Variants in LARP1 observed in about 807,000 individuals in gnomAD.
The protein encoded by LARP1 is La ribonucleoprotein 1, translational regulator.
LARP1 carries 36 observed loss-of-function variants against 122.7 expected under a neutral mutation model. The ratio of observed to expected loss-of-function variants is 0.29; its 90% CI spans 0.22 to 0.39. LARP1 has a LOEUF of 0.39. Among genes scored for constraint, LARP1 ranks in the 10% least tolerant of loss-of-function variants. LARP1 has a pLI of 1.00. For synonymous variants in LARP1, 539 were observed against 528.7 expected (o/e 1.02, Z -0.27); for missense variants, 1,040 against 1,403.6 (o/e 0.74, Z 4.14).
At position 154,802,160 on chromosome 5, in the gene LARP1, ACTGCCTGGT is replaced by A. The variant is rs1561624653; in HGVS notation, c.1874_1882del (p.Ala625_Ser627del). 1 of 1,614,216 alleles carries A rather than the reference ACTGCCTGGT, an allele frequency of 6.2e-7. No individual in the cohort carries two copies. Among genetic ancestry groups the A allele is most frequent in the Non-Finnish European group, 8.5e-7 (1 of 1,180,042 alleles). ...GATGGATGGGCGGAAGAACACCTTCACTGCCTGGTCTGATGAGGAATCTGACTATGAGAT... is the reference window on the plus strand; with the variant it reads ...GATGGATGGGCGGAAGAACACCTTCACTGATGAGGAATCTGACTATGAGAT... On this transcript the variant is annotated inframe_deletion, in exon 11 of 19. Coordinates refer to ENST00000518297, the MANE Select transcript of LARP1 (RefSeq NM_033551.3). The surrounding 1 kb of genome is among the most constrained non-coding windows in gnomAD (Gnocchi z 5.1).
At chr5:154,684,303 G>C (rs1375486489) in intron 1 of LARP1, among the ~76,000 whole-genome samples, 1 of 152,016 alleles carries the variant, frequency 6.6e-6, no homozygotes, top group Non-Finnish European at 1.5e-5. Context: ...AAATTAGTTG[G>C]GCGTGGTGGC....
At chr5:154,704,990 C>G (rs1374242749) in intron 1 of LARP1, among the ~76,000 whole-genome samples, 1 of 151,654 alleles carries the variant, frequency 6.6e-6, no homozygotes, top group Non-Finnish European at 1.5e-5. Context: ...TGGTGGCATG[C>G]GCCTGTAATC....
rs1009172614 is a variant in LARP1, at chr5:154,789,802, G to A, written c.437-523G>A. 1.2e-4 allele frequency among the ~76,000 whole-genome samples: 19 copies of A among 152,192 alleles called. 1 individual carries two copies. The highest frequency in any genetic ancestry group is 1.0e-3 in the Admixed American group (16 of 15,282). ...GGAAGCTGAGAAGGCAGACAAAAAT[G>A]TTTCCTGAGCAGCTGGCCCTGGTGT... On this transcript the variant is annotated intron_variant, in intron 1 of 18. Coordinates refer to ENST00000518297, the MANE Select transcript of LARP1 (RefSeq NM_033551.3).
intron 1 of LARP1, among the ~76,000 whole-genome samples, chr5:154,701,989 T>G (rs1218019472): frequency 6.6e-6 from 1 of 152,096 alleles, no homozygotes; most frequent in Non-Finnish European, 1.5e-5. Context: ...CCTGAGCCTT[T>G]TTGTGACAGG....
chr5:154,742,545 G>C (rs1752951809), intron 1 of LARP1, among the ~76,000 whole-genome samples: 1 of 151,852 alleles, frequency 6.6e-6, no homozygotes, highest in Admixed American at 6.6e-5. Context: ...AACAGAGGAA[G>C]ACCCTGTCTC....
intron 1 of LARP1, among the ~76,000 whole-genome samples, chr5:154,690,856 A>G (rs931097404): frequency 2.0e-5 from 3 of 152,238 alleles, no homozygotes; most frequent in Admixed American, 1.3e-4. Context: ...GAAGAGGTAA[A>G]ATAGATATAA....
In LARP1 at chr5:154,803,899, T is replaced by A. The variant is rs1286882932; in HGVS notation, c.2439+154T>A. On this transcript the variant is annotated intron_variant, in intron 13 of 18. Coordinates refer to ENST00000518297, the MANE Select transcript of LARP1 (RefSeq NM_033551.3). This position sits in a 1 kb window ranked among gnomAD's most constrained non-coding sequence, Gnocchi z 4.4. Reference sequence around the variant, plus strand: ...GCTGGTGGGCTTACCTAGGATTAGGTAGCCACATCTGCAAAATATACTGGG... The same window carrying A: ...GCTGGTGGGCTTACCTAGGATTAGGAAGCCACATCTGCAAAATATACTGGG... Among the ~76,000 whole-genome samples, 1 of 152,194 alleles carries A rather than the reference T, an allele frequency of 6.6e-6. No individual in the cohort carries two copies. Among genetic ancestry groups the A allele is most frequent in the African/African-American group, 2.4e-5 (1 of 41,444 alleles).
Position 154,803,798 on chromosome 5 carries a change from C to A in LARP1, c.2439+53C>A. On this transcript the variant is annotated intron_variant, in intron 13 of 18. Transcript: ENST00000518297. This position sits in a 1 kb window ranked among gnomAD's most constrained non-coding sequence, Gnocchi z 4.4. ...AGTCTTGGGTCTACTTCATTGCATT[C>A]CAGTGCTTTGCTTCTCTCCCTTGCC... is the stretch of plus-strand genomic sequence containing the variant. 6.5e-7 allele frequency: 1 copy of A among 1,531,554 alleles called. No homozygotes were observed. Among genetic ancestry groups the A allele is most frequent in the Non-Finnish European group, 9.0e-7 (1 of 1,107,108 alleles). The allele number at this position is 1,531,554 out of a possible 1,614,324, so 94.9% of individuals were successfully genotyped here.
At chr5:154,790,835 C>T in intron 3 of LARP1, 125 bp downstream of exon 3, 4 of 893,888 alleles carry the variant, frequency 4.5e-6, no homozygotes, top group Non-Finnish European at 7.0e-6. Context: ...TTTTTTCCCC[C>T]CAACAGAGTT....
rs555732143 is a variant in LARP1 at position 154,767,144 on chromosome 5, T to A, written c.436+10951T>A. On this transcript the variant is annotated intron_variant, in intron 1 of 18. Coordinates refer to ENST00000518297, the MANE Select transcript of LARP1 (RefSeq NM_033551.3). ...GTCAGTCACAGTTAGCGCAGCCATTTACCCACTGAGTGCCCTTGGATAGGT... is the reference window on the plus strand; with the variant it reads ...GTCAGTCACAGTTAGCGCAGCCATTAACCCACTGAGTGCCCTTGGATAGGT... 1.2e-4 allele frequency among the ~76,000 whole-genome samples: 18 copies of A among 152,332 alleles called. No homozygotes were observed. The South Asian group carries it at 3.7e-3, about 32-fold the overall frequency.
In LARP1 at chr5:154,793,971, G is replaced by A; in HGVS notation, c.1040G>A (p.Gly347Asp). The A allele has an allele frequency of 6.2e-7, 1 of 1,611,158 alleles. No homozygotes were observed. Among genetic ancestry groups the A allele is most frequent in the Non-Finnish European group, 8.5e-7 (1 of 1,178,012 alleles). The change falls in exon 6 of 19, where the codon GGC becomes GAC. Residue 347 changes from glycine to aspartate, a missense_variant. Physicochemically the swap from Gly to Asp is moderately conservative, Grantham distance 94. This residue lies in a region of LARP1 where 178 missense variants were observed against 178.3 expected (regional missense o/e 1.00). Transcript: ENST00000518297. ...GGCCGTGGACGGGGGCGTGGTCGCG[G>A]CCGGGGACGCGGCCGGGGTGGCACT... ...FRGRGRGRGRGRGRGRGGTRT... is the reference protein window; with the variant it reads ...FRGRGRGRGRDRGRGRGGTRT...
intron 1 of LARP1, among the ~76,000 whole-genome samples, chr5:154,779,601 C>T (rs1582387010): frequency 6.6e-6 from 1 of 151,666 alleles, no homozygotes; most frequent in Admixed American, 6.6e-5. Flanking sequence ...CTCCACCTCC[C>T]GGATTCAAGC....
At chr5:154,714,325 A>G (rs1268444359) in intron 1 of LARP1, among the ~76,000 whole-genome samples, 3 of 152,212 alleles carry the variant, frequency 2.0e-5, no homozygotes, top group Non-Finnish European at 4.4e-5. Context: ...ACTGATTATG[A>G]TGGAATCGTG....
At position 154,802,577 on chromosome 5, in the gene LARP1, T is replaced by A. The variant is rs918848899; in HGVS notation, c.2109+178T>A. ...TAGCTTGGGCATTAGGAGTGAGGGG[T>A]GATGTGTAAACACTGCAAACTCTTC... On this transcript the variant is annotated intron_variant, in intron 11 of 18. Transcript: ENST00000518297. The surrounding 1 kb of genome is among the most constrained non-coding windows in gnomAD (Gnocchi z 5.1). Among the ~76,000 whole-genome samples, 2 of 151,944 alleles carry A rather than the reference T, an allele frequency of 1.3e-5. No homozygotes were observed. The highest frequency in any genetic ancestry group is 1.3e-4 in the Admixed American group (2 of 15,246).
intron 1 of LARP1, among the ~76,000 whole-genome samples, chr5:154,730,981 C>G (rs1427025366): frequency 6.7e-6 from 1 of 150,042 alleles, no homozygotes; most frequent in South Asian, 2.1e-4. Context: ...CATACCACCA[C>G]ACCTGGCTAA....
chr5:154,801,366 CTG>C (rs1399732473), intron 10 of LARP1, among the ~76,000 whole-genome samples: 1 of 152,194 alleles, frequency 6.6e-6, no homozygotes, highest in Non-Finnish European at 1.5e-5. Flanking sequence ...GCTCCTTTAA[CTG>C]TGTGCATCCA....
At chr5:154,800,817 A>G (rs879726103) in intron 10 of LARP1, among the ~76,000 whole-genome samples, 1 of 151,856 alleles carries the variant, frequency 6.6e-6, no homozygotes, top group Admixed American at 6.6e-5. Flanking sequence ...TCCCTTATCT[A>G]TTTTCCCACA....
chr5:154,805,197 G>T (rs536497723), intron 14 of LARP1: 129 of 297,182 alleles, frequency 4.3e-4, no homozygotes, highest in African/African-American at 2.5e-3. Context: ...TAACAAACCT[G>T]TACACATACC....
chr5:154,743,655 T>C (rs1335341402), intron 1 of LARP1, among the ~76,000 whole-genome samples: 1 of 151,198 alleles, frequency 6.6e-6, no homozygotes, highest in Non-Finnish European at 1.5e-5. Flanking sequence ...AGTCTCGCTC[T>C]GTTGCCCAGG....
Sources: allele counts gnomAD v4.1 joint callset (sites outside exome capture counted in the v4.1 genomes callset), GRCh38; gene constraint gnomAD v4.1.1; regional missense constraint gnomAD v4.1.1; non-coding constraint Gnocchi (gnomAD v3.1); transcripts MANE v1.5; gene names NCBI Gene and HGNC (gene_info 2026-07-23, HGNC 2026-07-21).